PALM2AKAP2: variants seen among roughly 807,000 people sequenced by gnomAD.
PALM2AKAP2 encodes the protein PALM2 and AKAP2 fusion, also known as PALM2-AKAP2 fusion protein.
A neutral mutation model predicts 71.5 loss-of-function variants in PALM2AKAP2; 37 were observed. The observed-to-expected ratio is 0.52, with a 90% CI of 0.40 to 0.68. The LOEUF is 0.68. PALM2AKAP2 is among the 30% of genes least tolerant of loss of function. The pLI is 0.00. For synonymous variants in PALM2AKAP2, 468 were observed against 478.8 expected (o/e 0.98, Z 0.29); for missense variants, 1,224 against 1,191.8 (o/e 1.03, Z -0.40).
At chr9:109,725,250 T>C (rs559235190) in intron 1 of PALM2AKAP2, among the ~76,000 whole-genome samples, 2 of 152,226 alleles carry the variant, frequency 1.3e-5, no homozygotes, top group African/African-American at 4.8e-5. Context: ...ATATTGATTC[T>C]ACCTTTATTT....
At chr9:110,094,183 A>G (rs1834780727) in intron 1 of PALM2AKAP2, among the ~76,000 whole-genome samples, 1 of 152,166 alleles carries the variant, frequency 6.6e-6, no homozygotes, top group African/African-American at 2.4e-5. Context: ...TCTTATCTTC[A>G]CCACTAGGCT....
chr9:109,776,331 G>A (rs1829348147), upstream of PALM2AKAP2, among the ~76,000 whole-genome samples: 1 of 152,204 alleles, frequency 6.6e-6, no homozygotes, highest in Admixed American at 6.5e-5. Flanking sequence ...GTCATTTCAT[G>A]TGCCTTCCTG....
At chr9:109,883,198 A>T (rs967822779) in intron 3 of PALM2AKAP2, among the ~76,000 whole-genome samples, 3 of 152,188 alleles carry the variant, frequency 2.0e-5, no homozygotes, top group African/African-American at 7.2e-5. Flanking sequence ...GATTATACTC[A>T]AAGAAAAGTT....
At chr9:109,959,904 G>A (rs920561518) in intron 6 of PALM2AKAP2, among the ~76,000 whole-genome samples, 2 of 152,064 alleles carry the variant, frequency 1.3e-5, no homozygotes, top group African/African-American at 4.8e-5. Flanking sequence ...GAGCGTACAA[G>A]CATCCATCCT....
At chr9:109,658,850 T>G (rs1827347410) in intron 1 of PALM2AKAP2, among the ~76,000 whole-genome samples, 1 of 152,192 alleles carries the variant, frequency 6.6e-6, no homozygotes, top group South Asian at 2.1e-4. Flanking sequence ...AATCTAATTT[T>G]TAAGAAAAAA....
chr9:109,725,933 A>G (rs1828470220), intron 1 of PALM2AKAP2, among the ~76,000 whole-genome samples: 1 of 152,122 alleles, frequency 6.6e-6, no homozygotes. Context: ...CCCTCTTACA[A>G]TTTTTTGACA....
chr9:109,653,517 C>T (rs1055901490), intron 1 of PALM2AKAP2, among the ~76,000 whole-genome samples: 3 of 152,146 alleles, frequency 2.0e-5, no homozygotes, highest in Admixed American at 6.5e-5. Context: ...TGCTTCTGAG[C>T]GGGAGGTGCA....
chr9:110,151,214 T>A (rs1836305882), intron 2 of PALM2AKAP2, among the ~76,000 whole-genome samples: 1 of 152,242 alleles, frequency 6.6e-6, no homozygotes, highest in African/African-American at 2.4e-5. Context: ...TTTCCCCTTC[T>A]GTATTCATTT....
intron 1 of PALM2AKAP2, among the ~76,000 whole-genome samples, chr9:109,671,642 T>C (rs1827575863): frequency 6.6e-6 from 1 of 152,176 alleles, no homozygotes; most frequent in African/African-American, 2.4e-5. Context: ...ATATCAATGA[T>C]AGTTTAATAG....
At chr9:110,068,087 C>CTTTTTTT (rs5899875) in intron 1 of PALM2AKAP2, among the ~76,000 whole-genome samples, 5 of 122,934 alleles carry the variant, frequency 4.1e-5, no homozygotes, top group African/African-American at 1.0e-4. Context: ...GTTCCAAACT[C>CTTTTTTT]TTTTTTTTTT....
intron 1 of PALM2AKAP2, among the ~76,000 whole-genome samples, chr9:109,851,260 C>A (rs1776076239): frequency 1.3e-5 from 2 of 151,888 alleles, no homozygotes; most frequent in African/African-American, 4.8e-5. Context: ...AGTGCCCAGA[C>A]CAATAAGATC....
At chr9:109,914,858 T>C (rs1830649132) in intron 3 of PALM2AKAP2, among the ~76,000 whole-genome samples, 2 of 152,106 alleles carry the variant, frequency 1.3e-5, no homozygotes, top group Admixed American at 6.5e-5. Context: ...TTTTCAGAAG[T>C]GTTCATAGGG....
intron 6 of PALM2AKAP2, among the ~76,000 whole-genome samples, chr9:109,967,331 G>A (rs575332733): frequency 3.3e-5 from 5 of 152,156 alleles, no homozygotes; most frequent in African/African-American, 4.8e-5. Flanking sequence ...TCACAGCATC[G>A]CTTCTGCCAC....
At chr9:109,808,837 A>G (rs907414497) in intron 1 of PALM2AKAP2, among the ~76,000 whole-genome samples, 2 of 152,332 alleles carry the variant, frequency 1.3e-5, no homozygotes, top group South Asian at 4.1e-4. Flanking sequence ...TGCAGTCTTG[A>G]GACTTGGTGC....
upstream of PALM2AKAP2, among the ~76,000 whole-genome samples, chr9:110,047,350 T>A (rs141776679): frequency 8.1e-3 from 1,232 of 152,288 alleles, 18 homozygotes; most frequent in African/African-American, 0.028. Context: ...AGGGAAGAAG[T>A]CTTTTCTCTG....
intron 1 of PALM2AKAP2, among the ~76,000 whole-genome samples, chr9:109,826,698 G>T (rs900343011): frequency 1.3e-5 from 2 of 152,188 alleles, no homozygotes; most frequent in African/African-American, 4.8e-5. Flanking sequence ...AGCTAATGAA[G>T]ATGTGAATAT....
At chr9:109,998,513 C>T (rs532560838) in intron 6 of PALM2AKAP2, among the ~76,000 whole-genome samples, 69 of 152,046 alleles carry the variant, frequency 4.5e-4, no homozygotes, top group South Asian at 1.2e-3. Flanking sequence ...CCGTGGAGGG[C>T]GCCTCACCAT....
chr9:110,124,973 T>C (rs530408721), intron 1 of PALM2AKAP2, among the ~76,000 whole-genome samples: 1 of 152,260 alleles, frequency 6.6e-6, no homozygotes, highest in South Asian at 2.1e-4. Context: ...TGAAATAAAA[T>C]ATTAACTTTT....
chr9:110,035,087 G>C (rs560655180), intron 7 of PALM2AKAP2, among the ~76,000 whole-genome samples: 1 of 150,440 alleles, frequency 6.6e-6, no homozygotes, highest in Non-Finnish European at 1.5e-5. Flanking sequence ...TAAGTTCTTG[G>C]AATCAACTTA....
Sources: gnomAD v4.1 joint callset for allele counts (sites outside exome capture counted in the v4.1 genomes callset) on GRCh38, gnomAD v4.1.1 for gene constraint, MANE v1.5 for transcripts, NCBI Gene and HGNC (gene_info 2026-07-23, HGNC 2026-07-21) for gene names.